The following GDAP1 variants were observed in gnomAD, a reference collection of about 807,000 sequenced individuals.
GDAP1 encodes ganglioside-induced differentiation-associated protein 1.
In GDAP1, 34 loss-of-function variants were observed where a neutral mutation model predicts 40.1. The observed-to-expected ratio is 0.85, with a 90% CI of 0.64 to 1.13. GDAP1 has a LOEUF of 1.13. Ranked by LOEUF, GDAP1 falls within the 50% of genes most tolerant of loss-of-function variation. GDAP1 has a pLI of 0.00. For missense variants in GDAP1, 374 were observed against 433.7 expected (o/e 0.86, Z 1.22); for synonymous variants, 170 against 157.4 (o/e 1.08, Z -0.60).
intron 2 of GDAP1, among the ~76,000 whole-genome samples, chr8:74,460,691 T>C (rs1267508203): frequency 6.6e-6 from 1 of 151,890 alleles, no homozygotes; most frequent in South Asian, 2.1e-4. Flanking sequence ...CAGGAAGAAA[T>C]GAGCTATGGA....
intron 2 of GDAP1, among the ~76,000 whole-genome samples, chr8:74,377,294 C>T (rs768200681): frequency 2.6e-5 from 4 of 152,002 alleles, no homozygotes; most frequent in Admixed American, 6.6e-5. Flanking sequence ...AATATATATA[C>T]CTGACAAAGG....
At chr8:74,375,283 C>T (rs13258023) in intron 2 of GDAP1, among the ~76,000 whole-genome samples, 19,127 of 151,766 alleles carry the variant, frequency 0.13, 1,569 homozygotes, top group Middle Eastern at 0.2. Flanking sequence ...GCCGAGATCG[C>T]GCCACTGCAC....
At chr8:74,376,211 G>A (rs1161320014) in intron 2 of GDAP1, among the ~76,000 whole-genome samples, 1 of 152,130 alleles carries the variant, frequency 6.6e-6, no homozygotes, top group Non-Finnish European at 1.5e-5. Context: ...TGAATGAAGT[G>A]CCAATCACCA....
At chr8:74,397,153 T>A (rs1810214446) in intron 2 of GDAP1, among the ~76,000 whole-genome samples, 1 of 152,176 alleles carries the variant, frequency 6.6e-6, no homozygotes, top group African/African-American at 2.4e-5. Context: ...ATAAAAGTCT[T>A]CTCTTGAGAA....
intron 2 of GDAP1, among the ~76,000 whole-genome samples, chr8:74,455,853 A>C (rs1053145222): frequency 2.6e-5 from 4 of 151,930 alleles, no homozygotes; most frequent in South Asian, 4.1e-4. Context: ...TGCTTCTATA[A>C]GGCAGGGAGT....
intron 2 of GDAP1, among the ~76,000 whole-genome samples, chr8:74,421,639 TA>T (rs35234218): frequency 0.43 from 65,874 of 151,964 alleles, 15,168 homozygotes; most frequent in African/African-American, 0.61. Context: ...TTCAGGACTG[TA>T]ATTTGTAAGA....
chr8:74,352,306 C>T (rs1256015322), intron 2 of GDAP1, among the ~76,000 whole-genome samples: 1 of 152,186 alleles, frequency 6.6e-6, no homozygotes, highest in Non-Finnish European at 1.5e-5. Flanking sequence ...TCACAATGGA[C>T]ATTGATGAGA....
chr8:74,482,853 A>G (rs1424771930), intron 2 of GDAP1, among the ~76,000 whole-genome samples: 1 of 152,154 alleles, frequency 6.6e-6, no homozygotes, highest in Non-Finnish European at 1.5e-5. Flanking sequence ...ACTCTCTGTG[A>G]CACTAAGTAC....
At chr8:74,410,482 T>C (rs1000697772) in intron 2 of GDAP1, among the ~76,000 whole-genome samples, 6 of 150,272 alleles carry the variant, frequency 4.0e-5, no homozygotes, top group East Asian at 1.9e-4. Context: ...AGAGTTTTCA[T>C]GTAGAAATTT....
intron 2 of GDAP1, among the ~76,000 whole-genome samples, chr8:74,422,168 T>C (rs1805865243): frequency 7.0e-6 from 1 of 142,420 alleles, no homozygotes. Context: ...TCTTCTTTCT[T>C]TCTTTTCTTT....
At chr8:74,422,483 T>C in intron 2 of GDAP1, among the ~76,000 whole-genome samples, 1 of 83,572 alleles carries the variant, frequency 1.2e-5, no homozygotes, top group African/African-American at 6.5e-5. Context: ...CCTCCCTCCC[T>C]CCCTCCTTTC....
At chr8:74,354,841 A>T (rs919073293) in intron 2 of GDAP1, among the ~76,000 whole-genome samples, 1 of 152,206 alleles carries the variant, frequency 6.6e-6, no homozygotes, top group African/African-American at 2.4e-5. Flanking sequence ...ATGAGATAGA[A>T]TAAGTGGATG....
intron 2 of GDAP1, among the ~76,000 whole-genome samples, chr8:74,404,122 C>G (rs1347919097): frequency 6.7e-6 from 1 of 149,346 alleles, no homozygotes; most frequent in East Asian, 1.9e-4. Context: ...TACAATGTAC[C>G]AGGAATATGT....
At chr8:74,373,668 G>A (rs1285429886) in intron 2 of GDAP1, among the ~76,000 whole-genome samples, 1 of 152,162 alleles carries the variant, frequency 6.6e-6, no homozygotes. Flanking sequence ...CTGAGATGAT[G>A]GGGTTTTCTA....
At chr8:74,404,600 TCA>T (rs1010872761) in intron 2 of GDAP1, among the ~76,000 whole-genome samples, 2 of 149,906 alleles carry the variant, frequency 1.3e-5, no homozygotes, top group Non-Finnish European at 1.5e-5. Flanking sequence ...CTGTCTGGCC[TCA>T]GAGATTGCAT....
intron 2 of GDAP1, among the ~76,000 whole-genome samples, chr8:74,389,817 A>G (rs1810080451): frequency 4.6e-5 from 7 of 152,106 alleles, no homozygotes; most frequent in Admixed American, 3.3e-4. Flanking sequence ...TACACCAATC[A>G]ATTGTAGGTT....
At chr8:74,387,035 C>G (rs10113382) in intron 2 of GDAP1, among the ~76,000 whole-genome samples, 80,175 of 152,028 alleles carry the variant, frequency 0.53, 21,729 homozygotes, top group African/African-American at 0.67. Context: ...GATTTTATAT[C>G]CTGAGACTTT....
chr8:74,459,562 AG>A (rs924530215), intron 2 of GDAP1, among the ~76,000 whole-genome samples: 1 of 152,192 alleles, frequency 6.6e-6, no homozygotes, highest in African/African-American at 2.4e-5. Context: ...TGGTGAAGTC[AG>A]GGTGAATCAG....
At chr8:74,355,096 G>C (rs1363018854) in intron 2 of GDAP1, among the ~76,000 whole-genome samples, 5 of 152,058 alleles carry the variant, frequency 3.3e-5, no homozygotes, top group South Asian at 2.1e-4. Context: ...TAAATAATTG[G>C]TAGTTTGGTA....
Sources: allele counts gnomAD v4.1 joint callset (sites outside exome capture counted in the v4.1 genomes callset), GRCh38; gene constraint gnomAD v4.1.1; transcripts MANE v1.5; gene names NCBI Gene and HGNC (gene_info 2026-07-23, HGNC 2026-07-21).